BBS7: variants seen among roughly 807,000 people sequenced by gnomAD.
BBS7 encodes BBSome complex member BBS7.
In BBS7, 50 loss-of-function variants were observed where a neutral mutation model predicts 90.3. That is an observed-to-expected ratio of 0.55 (90% CI 0.44 to 0.70). BBS7 has a LOEUF of 0.70. BBS7 is among the 30% of genes least tolerant of loss of function. The probability of loss-of-function intolerance (pLI) is 0.00; values close to 1 mark genes in which losing one functional copy is unlikely to be tolerated. For missense variants in BBS7, 729 were observed against 838.9 expected (o/e 0.87, Z 1.62); for synonymous variants, 235 against 287.4 (o/e 0.82, Z 1.85).
intron 13 of BBS7, among the ~76,000 whole-genome samples, chr4:121,838,897 C>G (rs1725591759): frequency 7.8e-6 from 1 of 128,200 alleles, no homozygotes; most frequent in Non-Finnish European, 1.8e-5. Flanking sequence ...GAGCGAGACT[C>G]CATCTCAAAA....
At chr4:121,856,176 T>C (rs1281763085) in intron 5 of BBS7, among the ~76,000 whole-genome samples, 2 of 152,138 alleles carry the variant, frequency 1.3e-5, no homozygotes, top group Admixed American at 1.3e-4. Context: ...AGACACAAAG[T>C]TACTTCCTAA....
chr4:121,830,811 T>C (rs1245956436), intron 15 of BBS7, among the ~76,000 whole-genome samples: 1 of 152,230 alleles, frequency 6.6e-6, no homozygotes, highest in Non-Finnish European at 1.5e-5. Flanking sequence ...GTACCTATTA[T>C]GTGCAAAACT....
chr4:121,824,424 T>A lies in BBS7; in HGVS notation c.*1436A>T, dbSNP rs1197935223. 1 of 152,230 alleles carries A rather than the reference T, an allele frequency of 6.6e-6. No homozygotes were observed. Among genetic ancestry groups the A allele is most frequent in the Non-Finnish European group, 1.5e-5 (1 of 68,034 alleles). The allele number at this position is 152,230 out of a possible 1,614,324, so 9.4% of individuals were successfully genotyped here. ...CTCACATAGTAATACAGTACTCAAGTGTCAAGACTGTAATGTCATCTTAAC... is the reference window on the plus strand; with the variant it reads ...CTCACATAGTAATACAGTACTCAAGAGTCAAGACTGTAATGTCATCTTAAC... On this transcript the variant is annotated 3_prime_UTR_variant, in exon 19 of 19. Coordinates refer to ENST00000264499, the MANE Select transcript of BBS7 (RefSeq NM_176824.3). The surrounding 1 kb of genome is among the most constrained non-coding windows in gnomAD (Gnocchi z 4.1).
At chr4:121,845,749 C>T in intron 10 of BBS7, 53 bp from the exon 11 acceptor site, 3 of 1,475,534 alleles carry the variant, frequency 2.0e-6, no homozygotes, top group Admixed American at 1.7e-5. Flanking sequence ...CATTTGAGGT[C>T]GTTAGGATGT....
chr4:121,856,961 G>T (rs927868827), intron 5 of BBS7, among the ~76,000 whole-genome samples: 1 of 151,970 alleles, frequency 6.6e-6, no homozygotes, highest in African/African-American at 2.4e-5. Context: ...TAGAGACAAA[G>T]TTTCACCATG....
At chr4:121,838,547 A>C (rs1022993373) in intron 13 of BBS7, among the ~76,000 whole-genome samples, 1 of 152,160 alleles carries the variant, frequency 6.6e-6, no homozygotes, top group Non-Finnish European at 1.5e-5. Flanking sequence ...TTGCTAGAGA[A>C]AACTTTAAAA....
intron 4 of BBS7, 120 bp downstream of exon 4, chr4:121,861,384 T>C: frequency 1.0e-6 from 1 of 974,856 alleles, no homozygotes; most frequent in African/African-American, 1.7e-5. Context: ...ACTAATAAAA[T>C]ACCTTTAGTT....
intron 2 of BBS7, among the ~76,000 whole-genome samples, chr4:121,865,062 G>A (rs1206645808): frequency 6.6e-6 from 1 of 151,706 alleles, no homozygotes; most frequent in Non-Finnish European, 1.5e-5. Flanking sequence ...TCTACCCTTT[G>A]CAGCCTCTAG....
intron 10 of BBS7, 94 bp from the exon 11 acceptor site, chr4:121,845,790 A>T (rs1725984765): frequency 8.0e-7 from 1 of 1,247,086 alleles, no homozygotes; most frequent in Non-Finnish European, 1.1e-6. Context: ...TGCTTTTACA[A>T]AATGGGTTTT....
intron 15 of BBS7, among the ~76,000 whole-genome samples, chr4:121,831,108 G>A (rs373133659): frequency 1.3e-5 from 2 of 152,210 alleles, no homozygotes; most frequent in Non-Finnish European, 2.9e-5. Flanking sequence ...GGGAGGTTGA[G>A]GCAGGAGAAT....
At chr4:121,831,996 CA>C (rs200979432) in intron 15 of BBS7, among the ~76,000 whole-genome samples, 2 of 117,664 alleles carry the variant, frequency 1.7e-5, no homozygotes, top group African/African-American at 4.4e-5. Flanking sequence ...TAACACAAAG[CA>C]AAAAAAACAA....
intron 5 of BBS7, among the ~76,000 whole-genome samples, chr4:121,856,405 T>C (rs886468468): frequency 6.6e-6 from 1 of 152,178 alleles, no homozygotes; most frequent in South Asian, 2.1e-4. Flanking sequence ...ATATCCATGA[T>C]CTATAATTCA....
intron 6 of BBS7, 54 bp from the exon 7 acceptor site, chr4:121,854,874 T>C (rs1451436188): frequency 2.0e-6 from 3 of 1,471,366 alleles, no homozygotes; most frequent in African/African-American, 1.4e-5. Flanking sequence ...AGTAATCTCT[T>C]TAAAATTAAA....
chr4:121,851,584 A>T (rs1726324469), intron 8 of BBS7, among the ~76,000 whole-genome samples: 1 of 152,232 alleles, frequency 6.6e-6, no homozygotes, highest in South Asian at 2.1e-4. Context: ...AAACTTACAA[A>T]AAAAAGAACT....
At chr4:121,850,677 G>C (rs1222890849) in intron 8 of BBS7, among the ~76,000 whole-genome samples, 1 of 152,130 alleles carries the variant, frequency 6.6e-6, no homozygotes, top group Non-Finnish European at 1.5e-5. Context: ...ACACTAATTG[G>C]TTTTGACTAG....
At chr4:121,846,433 A>AATATTTACTGCTAAATATTAC (rs1368461301) in intron 10 of BBS7, among the ~76,000 whole-genome samples, 1 of 152,188 alleles carries the variant, frequency 6.6e-6, no homozygotes, top group Non-Finnish European at 1.5e-5. Context: ...TCATCAAAGA[A>AATATTTACTGCTAAATATTAC]ATATTTACTG....
intron 9 of BBS7, among the ~76,000 whole-genome samples, chr4:121,847,981 C>T (rs1376539004): frequency 6.6e-6 from 1 of 151,964 alleles, no homozygotes; most frequent in Non-Finnish European, 1.5e-5. Context: ...AAGACATGTA[C>T]ATAGTCCAAA....
At chr4:121,854,924 AAAAGATATAAAACTT>A in intron 6 of BBS7, 104 bp from the exon 7 acceptor site, 1 of 1,100,238 alleles carries the variant, frequency 9.1e-7, no homozygotes, top group Non-Finnish European at 1.3e-6. Flanking sequence ...AAGTACTATA[AAAAGATATAAAACTT>A]AATTGTTGAG....
intron 5 of BBS7, among the ~76,000 whole-genome samples, chr4:121,858,140 G>A (rs1403220398): frequency 2.0e-5 from 3 of 152,030 alleles, no homozygotes; most frequent in Admixed American, 1.3e-4. Flanking sequence ...TGTCCCTGGG[G>A]GGTAAAAACC....
Sources: gnomAD v4.1 joint callset for allele counts (sites outside exome capture counted in the v4.1 genomes callset) on GRCh38, gnomAD v4.1.1 for gene constraint, Gnocchi (gnomAD v3.1) non-coding constraint, MANE v1.5 for transcripts, NCBI Gene and HGNC (gene_info 2026-07-23, HGNC 2026-07-21) for gene names.